The following HSPD1 variants were observed in gnomAD, a reference collection of about 807,000 sequenced individuals.
HSPD1 encodes 60 kDa heat shock protein, mitochondrial.
Under a neutral mutation model 53.0 loss-of-function variants are expected in HSPD1, and 3 were observed. That is an observed-to-expected ratio of 0.06 (90% CI 0.03 to 0.15). HSPD1 has a LOEUF of 0.15. Ranked by LOEUF, HSPD1 falls within the 10% of genes least tolerant of loss-of-function variation. The probability of loss-of-function intolerance (pLI) is 1.00; values close to 1 mark genes in which losing one functional copy is unlikely to be tolerated. For synonymous variants in HSPD1, 200 were observed against 228.0 expected, an observed-to-expected ratio of 0.88 and a Z score of 1.10; for missense variants, 431 against 694.1, an observed-to-expected ratio of 0.62 and a Z score of 4.26.
chr2:197,497,640 G>A (rs1209398700), intron 2 of HSPD1: 4 of 541,712 alleles, frequency 7.4e-6, no homozygotes, highest in African/African-American at 3.8e-5. Flanking sequence ...AAATCCTAGG[G>A]ACTAAAACTT....
At chr2:197,498,903 G>A in intron 1 of HSPD1, 53 bp from the exon 2 acceptor site, 8 of 1,502,066 alleles carry the variant, frequency 5.3e-6, no homozygotes, top group South Asian at 1.1e-5. Flanking sequence ...GTGCGCTGCA[G>A]AACAAACATG....
intron 3 of HSPD1, among the ~76,000 whole-genome samples, chr2:197,496,415 A>G (rs2086157630): frequency 6.6e-6 from 1 of 152,214 alleles, no homozygotes; most frequent in African/African-American, 2.4e-5. Flanking sequence ...GTAGTAATAA[A>G]TTAGTATGCC....
intron 1 of HSPD1, 71 bp from the exon 2 acceptor site, chr2:197,498,921 G>A (rs949952511): frequency 1.1e-5 from 15 of 1,346,084 alleles, no homozygotes; most frequent in Admixed American, 1.8e-5. Flanking sequence ...ATGCCCACCT[G>A]TGCAACAGAG....
intron 8 of HSPD1, 22 bp downstream of exon 8, chr2:197,490,175 T>G (rs753866703): frequency 6.8e-7 from 1 of 1,467,956 alleles, no homozygotes; most frequent in South Asian, 1.1e-5. Context: ...CAGCAAACCA[T>G]TATCACATTT....
At chr2:197,491,696 A>G (rs1314814190) in intron 7 of HSPD1, among the ~76,000 whole-genome samples, 2 of 152,250 alleles carry the variant, frequency 1.3e-5, no homozygotes. Flanking sequence ...TGTCTGCAGC[A>G]TGAACATTAC....
At chr2:197,499,260 G>A (rs1559304844) in intron 1 of HSPD1, 1 of 297,218 alleles carries the variant, frequency 3.4e-6, no homozygotes, top group South Asian at 3.1e-5. Context: ...ATTCCTGACG[G>A]TGCAAAAAGC....
chr2:197,489,459 A>G (rs191117951), intron 8 of HSPD1, among the ~76,000 whole-genome samples: 20 of 152,306 alleles, frequency 1.3e-4, no homozygotes, highest in Non-Finnish European at 4.4e-5. Flanking sequence ...GGTAATTATT[A>G]CCAGCCTTAC....
At chr2:197,494,110 CTAAAA>C (rs1485275881) in intron 6 of HSPD1, 42 bp downstream of exon 6, 2 of 942,762 alleles carry the variant, frequency 2.1e-6, no homozygotes, top group African/African-American at 1.7e-5. Flanking sequence ...GAGACTCTGT[CTAAAA>C]TAATAAAAAT....
intron 6 of HSPD1, among the ~76,000 whole-genome samples, chr2:197,493,739 C>T (rs1286392531): frequency 6.6e-6 from 1 of 152,170 alleles, no homozygotes; most frequent in Non-Finnish European, 1.5e-5. Flanking sequence ...CCAAAGCAGG[C>T]AGATGACTTG....
chr2:197,493,565 A>T, intron 6 of HSPD1, 73 bp from the exon 7 acceptor site: 1 of 1,098,434 alleles, frequency 9.1e-7, no homozygotes. Context: ...AGCGAAACCA[A>T]GGTTCCAATA....
intron 7 of HSPD1, 48 bp downstream of exon 7, chr2:197,493,274 TTC>T (rs781679715): frequency 1.3e-6 from 2 of 1,500,374 alleles, no homozygotes; most frequent in African/African-American, 1.4e-5. Context: ...ATACAAATAA[TTC>T]TGTCTTTCAC....
At chr2:197,487,557 G>A (rs528645408) in intron 11 of HSPD1, among the ~76,000 whole-genome samples, 2 of 152,156 alleles carry the variant, frequency 1.3e-5, no homozygotes, top group South Asian at 2.1e-4. Context: ...CCTGTTCTGC[G>A]TATCTTGGAA....
intron 2 of HSPD1, among the ~76,000 whole-genome samples, chr2:197,498,296 A>G (rs866389666): frequency 1.3e-5 from 2 of 152,238 alleles, no homozygotes; most frequent in Non-Finnish European, 2.9e-5. Context: ...AGCATCTACA[A>G]GCACATACCT....
At chr2:197,496,127 T>C (rs1574602414) in intron 3 of HSPD1, among the ~76,000 whole-genome samples, 1 of 152,218 alleles carries the variant, frequency 6.6e-6, no homozygotes, top group Non-Finnish European at 1.5e-5. Flanking sequence ...AGGTGTCAAT[T>C]ATCTGAAATC....
intron 8 of HSPD1, 152 bp from the exon 9 acceptor site, chr2:197,489,399 G>C: frequency 1.3e-6 from 1 of 799,458 alleles, no homozygotes; most frequent in South Asian, 1.6e-5. Flanking sequence ...AACAAGACTT[G>C]AGTATAGTCT....
rs367873403 is a variant in HSPD1, at chr2:197,487,211, T to G, written c.1570-13A>C. ...CAGTTCTCACAACCTAGAAAAAAAT[T>G]TAATTAATTAGTTTTCCCTTAGTAA... On this transcript the variant is annotated splice_polypyrimidine_tract_variant and intron_variant, in intron 11 of 11. Transcript: ENST00000388968. The G allele has an allele frequency of 3.7e-6, 6 of 1,611,758 alleles. No homozygotes were observed. Among genetic ancestry groups the G allele is most frequent in the Non-Finnish European group, 5.1e-6 (6 of 1,178,204 alleles).
At chr2:197,497,436 G>A (rs753813323) in intron 2 of HSPD1, 44 bp from the exon 3 acceptor site, 5 of 1,597,344 alleles carry the variant, frequency 3.1e-6, no homozygotes, top group African/African-American at 1.3e-5. Flanking sequence ...CCCTAAGGAT[G>A]ATTTACATTT....
chr2:197,495,322 G>A lies in HSPD1; in HGVS notation c.482C>T (p.Pro161Leu). The A allele has an allele frequency of 1.2e-6, 2 of 1,610,472 alleles. No homozygotes were observed. The highest frequency in any genetic ancestry group is 1.7e-6 in the Non-Finnish European group (2 of 1,176,876). Reference protein sequence around the residue: ...VIAELKKQSKPVTTPEEIAQV... With the variant: ...VIAELKKQSKLVTTPEEIAQV... Reference sequence around the variant, plus strand: ...TGCAATTTCTTCAGGGGTGGTCACAGGTTTAGACTGCTTTTTAAGTTCAGC... The same window carrying A: ...TGCAATTTCTTCAGGGGTGGTCACAAGTTTAGACTGCTTTTTAAGTTCAGC... Residue 161 changes from proline (P) to leucine (L), a missense_variant, in exon 4 of 12, where the codon CCT (proline) becomes CTT (leucine). Pro to Leu is a moderately conservative substitution (Grantham distance 98). Coordinates refer to ENST00000388968, the MANE Select transcript of HSPD1 (RefSeq NM_002156.5).
intron 7 of HSPD1, 51 bp from the exon 8 acceptor site, chr2:197,490,347 T>TG (rs1413751968): frequency 7.4e-7 from 1 of 1,344,406 alleles, no homozygotes; most frequent in Non-Finnish European, 1.1e-6. Flanking sequence ...AATGCCTATC[T>TG]GTTTAATTCC....
Sources: gnomAD v4.1 joint callset for allele counts (sites outside exome capture counted in the v4.1 genomes callset) on GRCh38, gnomAD v4.1.1 for gene constraint, MANE v1.5 for transcripts, NCBI Gene and HGNC (gene_info 2026-07-23, HGNC 2026-07-21) for gene names.